The following FAT3 variants were observed in gnomAD, a reference collection of about 807,000 sequenced individuals.
The protein encoded by FAT3 is FAT atypical cadherin 3.
FAT3 carries 95 observed loss-of-function variants against 310.2 expected under a neutral mutation model. The ratio of observed to expected loss-of-function variants is 0.31; its 90% CI spans 0.26 to 0.36. The LOEUF is 0.36. Ranked by LOEUF, FAT3 falls within the 10% of genes least tolerant of loss-of-function variation. The pLI, the probability that FAT3 is intolerant of heterozygous loss-of-function variation, is 1.00. For synonymous variants in FAT3, 2,314 were observed against 2,192.9 expected, an observed-to-expected ratio of 1.06 and a Z score of -1.54; for missense variants, 5,408 against 5,715.6, an observed-to-expected ratio of 0.95 and a Z score of 1.74.
intron 1 of FAT3, among the ~76,000 whole-genome samples, chr11:92,293,512 T>TTTTA (rs1555002832): frequency 1.8e-4 from 12 of 67,886 alleles, no homozygotes; most frequent in African/African-American, 7.6e-4. Context: ...GAACCTCAGA[T>TTTTA]TATATATATA....
chr11:92,700,981 T>C (rs1399713303), intron 4 of FAT3, among the ~76,000 whole-genome samples: 3 of 152,194 alleles, frequency 2.0e-5, no homozygotes, highest in Admixed American at 1.3e-4. Flanking sequence ...AATGGTATCA[T>C]TGAGAATGTA....
intron 2 of FAT3, among the ~76,000 whole-genome samples, chr11:92,397,394 C>T (rs1241429450): frequency 2.0e-5 from 3 of 152,172 alleles, no homozygotes; most frequent in South Asian, 4.1e-4. Flanking sequence ...CTGTCAGCAG[C>T]GCATGGGTCC....
Position 92,510,847 on chromosome 11 carries a change from T to C in FAT3, c.3293-13787T>C, listed in dbSNP as rs147889046. On this transcript the variant is annotated intron_variant, in intron 2 of 27. Transcript: ENST00000525166. ...CTTGCATTTCAGTGCATAATTGCTC[T>C]CAACAACTGTGTTGTGGGTTTTTCT... 1.6e-3 allele frequency among the ~76,000 whole-genome samples: 242 copies of C among 152,354 alleles called. 3 individuals are homozygous for C. The highest frequency in any genetic ancestry group is 5.7e-3 in the African/African-American group (236 of 41,586).
At chr11:92,640,023 C>A (rs1377902602) in intron 3 of FAT3, among the ~76,000 whole-genome samples, 1 of 152,152 alleles carries the variant, frequency 6.6e-6, no homozygotes, top group Non-Finnish European at 1.5e-5. Flanking sequence ...CTGTCCTTGG[C>A]CAGACCCTAC....
At chr11:92,267,446 C>T (rs1945997624) in intron 1 of FAT3, among the ~76,000 whole-genome samples, 1 of 152,000 alleles carries the variant, frequency 6.6e-6, no homozygotes, top group African/African-American at 2.4e-5. Flanking sequence ...ACCACAGAAG[C>T]TGGAGGTCTC....
intron 25 of FAT3, among the ~76,000 whole-genome samples, 168 bp from the exon 26 acceptor site, chr11:92,889,021 G>C (rs1949855348): frequency 6.6e-6 from 1 of 152,146 alleles, no homozygotes; most frequent in Non-Finnish European, 1.5e-5. Flanking sequence ...CTAGATAAAG[G>C]TGTCCACTGA....
chr11:92,467,429 A>G (rs1467430469), intron 2 of FAT3, among the ~76,000 whole-genome samples: 1 of 151,796 alleles, frequency 6.6e-6, no homozygotes, highest in Non-Finnish European at 1.5e-5. Flanking sequence ...CACACTGGGG[A>G]CTCTACTTAT....
At chr11:92,309,384 GCACACA>G (rs59596533) in intron 1 of FAT3, among the ~76,000 whole-genome samples, 15,126 of 144,894 alleles carry the variant, frequency 0.1, 965 homozygotes, top group African/African-American at 0.17. Context: ...ACACACGCAT[GCACACA>G]CACACACACA....
chr11:92,733,463 A>G (rs1255678510), intron 4 of FAT3, among the ~76,000 whole-genome samples: 1 of 152,112 alleles, frequency 6.6e-6, no homozygotes, highest in African/African-American at 2.4e-5. Flanking sequence ...TGAGGAAAAG[A>G]CTTGAGGCTT....
At chr11:92,852,471 G>A (rs1948857010) in intron 19 of FAT3, among the ~76,000 whole-genome samples, 1 of 152,128 alleles carries the variant, frequency 6.6e-6, no homozygotes, top group Non-Finnish European at 1.5e-5. Context: ...GAGCCCAAAT[G>A]TTTATGGCTG....
At chr11:92,464,118 G>A (rs1951704278) in intron 2 of FAT3, among the ~76,000 whole-genome samples, 1 of 152,304 alleles carries the variant, frequency 6.6e-6, no homozygotes, top group East Asian at 1.9e-4. Flanking sequence ...TAAAGGATGA[G>A]TGTTTTAATC....
intron 1 of FAT3, among the ~76,000 whole-genome samples, chr11:92,230,999 A>G (rs1180325910): frequency 6.6e-6 from 1 of 152,218 alleles, no homozygotes; most frequent in African/African-American, 2.4e-5. Context: ...CCTTTTTGGA[A>G]GAACGTATTC....
chr11:92,502,716 G>T (rs1952978333), intron 2 of FAT3, among the ~76,000 whole-genome samples: 1 of 152,044 alleles, frequency 6.6e-6, no homozygotes, highest in South Asian at 2.1e-4. Flanking sequence ...GGCTTGGGAA[G>T]TAGTGAGCTC....
At chr11:92,526,018 T>C (rs1438515939) in intron 3 of FAT3, among the ~76,000 whole-genome samples, 2 of 152,210 alleles carry the variant, frequency 1.3e-5, no homozygotes. Context: ...TTAAGCAGAC[T>C]TTTGCATTCT....
chr11:92,466,640 A>G (rs536781206), intron 2 of FAT3, among the ~76,000 whole-genome samples: 5 of 151,322 alleles, frequency 3.3e-5, no homozygotes, highest in Admixed American at 6.6e-5. Context: ...GTGCAGGTTA[A>G]TTACATATGT....
intron 2 of FAT3, among the ~76,000 whole-genome samples, chr11:92,442,079 TTTTATATATATATATA>T (rs1445359484): frequency 6.0e-5 from 4 of 67,220 alleles, no homozygotes; most frequent in African/African-American, 2.8e-4. Context: ...GAAATATATA[TTTTATATATATATATA>T]TATATATATA....
intron 10 of FAT3, among the ~76,000 whole-genome samples, 177 bp downstream of exon 10, chr11:92,802,086 G>A (rs1177381089): frequency 6.6e-6 from 1 of 152,100 alleles, no homozygotes; most frequent in African/African-American, 2.4e-5. Flanking sequence ...GTTGGCTGTT[G>A]CTAACTCAGC....
intron 4 of FAT3, among the ~76,000 whole-genome samples, chr11:92,715,643 A>G (rs1944659379): frequency 6.6e-6 from 1 of 152,030 alleles, no homozygotes; most frequent in South Asian, 2.1e-4. Context: ...AGTTGAGGAT[A>G]CCAGAATAAC....
At chr11:92,634,940 T>A (rs1326546960) in intron 3 of FAT3, among the ~76,000 whole-genome samples, 1 of 152,004 alleles carries the variant, frequency 6.6e-6, no homozygotes, top group Non-Finnish European at 1.5e-5. Flanking sequence ...CTTTCCACCA[T>A]CCCTCTTTCC....
Sources: allele counts gnomAD v4.1 joint callset (sites outside exome capture counted in the v4.1 genomes callset), GRCh38; gene constraint gnomAD v4.1.1; transcripts MANE v1.5; gene names NCBI Gene and HGNC (gene_info 2026-07-23, HGNC 2026-07-21).